The following PALM2AKAP2 variants were observed in gnomAD, a reference collection of about 807,000 sequenced individuals.
The protein encoded by PALM2AKAP2 is PALM2 and AKAP2 fusion, also known as PALM2-AKAP2 fusion protein.
A neutral mutation model predicts 71.5 loss-of-function variants in PALM2AKAP2; 37 were observed. That is an observed-to-expected ratio of 0.52 (90% CI 0.40 to 0.68). The LOEUF (loss-of-function observed/expected upper bound fraction) is 0.68. Among genes scored for constraint, PALM2AKAP2 ranks in the 30% least tolerant of loss-of-function variants. PALM2AKAP2 has a pLI of 0.00. For missense variants in PALM2AKAP2, 1,224 were observed against 1,191.8 expected (o/e 1.03, Z -0.40); for synonymous variants, 468 against 478.8 (o/e 0.98, Z 0.29).
intron 1 of PALM2AKAP2, among the ~76,000 whole-genome samples, chr9:109,799,988 TA>T (rs1268345428): frequency 3.9e-5 from 6 of 152,188 alleles, no homozygotes; most frequent in African/African-American, 1.4e-4. Flanking sequence ...TGACTCAGAC[TA>T]TAAGCTTATT....
chr9:109,978,337 G>A (rs773319774), intron 6 of PALM2AKAP2, among the ~76,000 whole-genome samples: 37 of 152,224 alleles, frequency 2.4e-4, no homozygotes, highest in Non-Finnish European at 4.1e-4. Context: ...GAAAACCTGG[G>A]TTCTTCTGGA....
intron 1 of PALM2AKAP2, among the ~76,000 whole-genome samples, chr9:109,657,452 TTG>T (rs3062680): frequency 2.9e-4 from 42 of 147,106 alleles, no homozygotes; most frequent in East Asian, 6.0e-4. Context: ...AATATGGTAT[TTG>T]TGTGTGTGTG....
chr9:109,712,222 G>A (rs1263443873), intron 1 of PALM2AKAP2, among the ~76,000 whole-genome samples: 5 of 152,114 alleles, frequency 3.3e-5, no homozygotes, highest in African/African-American at 1.2e-4. Flanking sequence ...TGCTTACAGG[G>A]TAGTTAAATA....
intron 6 of PALM2AKAP2, among the ~76,000 whole-genome samples, chr9:109,964,601 A>G (rs1831911320): frequency 6.6e-6 from 1 of 152,208 alleles, no homozygotes; most frequent in East Asian, 1.9e-4. Context: ...GAAACCCCAC[A>G]GTACTGGTCA....
intron 1 of PALM2AKAP2, among the ~76,000 whole-genome samples, chr9:109,717,785 A>C (rs1828348174): frequency 6.6e-6 from 1 of 152,222 alleles, no homozygotes; most frequent in Non-Finnish European, 1.5e-5. Context: ...GTTTCCATGA[A>C]GTCTGAAGTC....
chr9:109,951,759 G>A (rs753848366), intron 6 of PALM2AKAP2, among the ~76,000 whole-genome samples: 3 of 152,168 alleles, frequency 2.0e-5, no homozygotes, highest in Admixed American at 6.5e-5. Context: ...TACCTGGACC[G>A]CCGGTTTGGG....
At chr9:110,100,329 T>G (rs1834966994) in intron 1 of PALM2AKAP2, among the ~76,000 whole-genome samples, 1 of 152,102 alleles carries the variant, frequency 6.6e-6, no homozygotes, top group Non-Finnish European at 1.5e-5. Context: ...AGAAGGAAGC[T>G]GATATCTGTC....
intron 1 of PALM2AKAP2, among the ~76,000 whole-genome samples, chr9:109,673,317 G>A (rs1026584997): frequency 3.3e-5 from 5 of 151,850 alleles, no homozygotes; most frequent in South Asian, 2.1e-4. Context: ...CTTTGTTCCC[G>A]TTAGTTTCAG....
intron 1 of PALM2AKAP2, among the ~76,000 whole-genome samples, chr9:109,840,581 A>G (rs1013822602): frequency 6.6e-6 from 1 of 152,214 alleles, no homozygotes; most frequent in Admixed American, 6.5e-5. Flanking sequence ...TGAACAGGCA[A>G]CCTACAGAAT....
At chr9:109,663,184 C>G (rs1298609986) in intron 1 of PALM2AKAP2, among the ~76,000 whole-genome samples, 1 of 152,150 alleles carries the variant, frequency 6.6e-6, no homozygotes, top group Admixed American at 6.6e-5. Context: ...GTGTCTCTAT[C>G]TCTTTCAGTT....
chr9:110,045,826 C>T (rs908480610), upstream of PALM2AKAP2, among the ~76,000 whole-genome samples: 3 of 152,198 alleles, frequency 2.0e-5, no homozygotes, highest in Middle Eastern at 3.4e-3. Flanking sequence ...CCTCGGACTC[C>T]CAAAGTGCTG....
intron 1 of PALM2AKAP2, among the ~76,000 whole-genome samples, chr9:109,851,200 C>T (rs888273066): frequency 4.1e-4 from 19 of 46,712 alleles, no homozygotes; most frequent in Admixed American, 1.1e-3. Flanking sequence ...ACAACAACAA[C>T]AACAACAACA....
chr9:109,832,325 G>A (rs964004069), intron 1 of PALM2AKAP2, among the ~76,000 whole-genome samples: 3 of 152,206 alleles, frequency 2.0e-5, no homozygotes, highest in Non-Finnish European at 2.9e-5. Flanking sequence ...CTAAGCCTCA[G>A]TTTCACTGTC....
chr9:109,843,769 A>C (rs1267071227), intron 1 of PALM2AKAP2, among the ~76,000 whole-genome samples: 1 of 152,212 alleles, frequency 6.6e-6, no homozygotes, highest in Admixed American at 6.5e-5. Flanking sequence ...AGCTGGCAGC[A>C]CTACCTCGGC....
intron 1 of PALM2AKAP2, among the ~76,000 whole-genome samples, chr9:109,847,332 G>A (rs10816896): frequency 0.094 from 14,372 of 152,256 alleles, 825 homozygotes; most frequent in East Asian, 0.26. Context: ...GCCAGCAGCT[G>A]CCAGAAGCTT....
At chr9:109,698,570 C>T (rs1174148219) in intron 1 of PALM2AKAP2, among the ~76,000 whole-genome samples, 3 of 152,180 alleles carry the variant, frequency 2.0e-5, no homozygotes, top group African/African-American at 7.2e-5. Context: ...TGAGCCACCA[C>T]ACCCAGCCGG....
At chr9:110,090,960 A>G (rs1588102785) in intron 1 of PALM2AKAP2, among the ~76,000 whole-genome samples, 3 of 148,190 alleles carry the variant, frequency 2.0e-5, no homozygotes, top group African/African-American at 5.0e-5. Context: ...ATCTAGCTCA[A>G]TTTTTTTTTT....
intron 1 of PALM2AKAP2, among the ~76,000 whole-genome samples, chr9:109,751,670 G>A (rs1187123216): frequency 1.3e-5 from 2 of 152,178 alleles, no homozygotes; most frequent in African/African-American, 4.8e-5. Context: ...AATTAAAGAA[G>A]TTGAGTCAGT....
intron 1 of PALM2AKAP2, among the ~76,000 whole-genome samples, chr9:110,122,992 CAT>C: frequency 6.6e-6 from 1 of 152,318 alleles, no homozygotes; most frequent in South Asian, 2.1e-4. Flanking sequence ...GCTGGTTTTT[CAT>C]GTCTCCCTCT....
Sources: allele counts gnomAD v4.1 joint callset (sites outside exome capture counted in the v4.1 genomes callset), GRCh38; gene constraint gnomAD v4.1.1; transcripts MANE v1.5; gene names NCBI Gene and HGNC (gene_info 2026-07-23, HGNC 2026-07-21).